GABRB2: variants seen among roughly 807,000 people sequenced by gnomAD.
GABRB2 encodes the protein gamma-aminobutyric acid receptor subunit beta-2.
GABRB2 carries 16 observed loss-of-function variants against 54.7 expected under a neutral mutation model. The ratio of observed to expected loss-of-function variants is 0.29; its 90% CI spans 0.20 to 0.44. The LOEUF is 0.44. Among genes scored for constraint, GABRB2 ranks in the 20% least tolerant of loss-of-function variants. The probability of loss-of-function intolerance (pLI) is 1.00; values close to 1 mark genes in which losing one functional copy is unlikely to be tolerated. For missense variants in GABRB2, 355 were observed against 644.0 expected (o/e 0.55, Z 4.86); for synonymous variants, 244 against 233.8 (o/e 1.04, Z -0.40).
At chr5:161,375,936 T>A (rs1003786424) in intron 5 of GABRB2, among the ~76,000 whole-genome samples, 3 of 152,176 alleles carry the variant, frequency 2.0e-5, no homozygotes, top group Non-Finnish European at 4.4e-5. Flanking sequence ...TTGCTTTAGG[T>A]TCTGTCATTA....
At chr5:161,464,753 T>C (rs558301017) in intron 3 of GABRB2, among the ~76,000 whole-genome samples, 4 of 152,112 alleles carry the variant, frequency 2.6e-5, no homozygotes, top group Non-Finnish European at 5.9e-5. Flanking sequence ...ATATCATTAA[T>C]GGTTTTCAAA....
chr5:161,506,665 T>C (rs771457405), intron 3 of GABRB2, among the ~76,000 whole-genome samples: 1 of 152,118 alleles, frequency 6.6e-6, no homozygotes, highest in Non-Finnish European at 1.5e-5. Context: ...ATAGTTATTA[T>C]GTACCTCTTT....
chr5:161,501,145 A>G (rs1759426654), intron 3 of GABRB2, among the ~76,000 whole-genome samples: 1 of 152,166 alleles, frequency 6.6e-6, no homozygotes, highest in Non-Finnish European at 1.5e-5. Context: ...TGGCCCTGTA[A>G]AAACATTCAT....
chr5:161,541,718 G>T (rs1408896584), intron 3 of GABRB2, among the ~76,000 whole-genome samples: 1 of 152,192 alleles, frequency 6.6e-6, no homozygotes, highest in East Asian at 1.9e-4. Flanking sequence ...ATCTGGCTTT[G>T]TCTCTAAGGG....
intron 4 of GABRB2, among the ~76,000 whole-genome samples, chr5:161,452,036 T>A (rs1314919770): frequency 6.6e-6 from 1 of 152,170 alleles, no homozygotes; most frequent in African/African-American, 2.4e-5. Context: ...AATGACTTGG[T>A]ATAAATAATA....
chr5:161,386,263 A>T, intron 5 of GABRB2, among the ~76,000 whole-genome samples: 1 of 152,118 alleles, frequency 6.6e-6, no homozygotes, highest in East Asian at 1.9e-4. Flanking sequence ...CCTTATTGTG[A>T]TTTAATGGCA....
chr5:161,436,841 A>G (rs1580984928), intron 4 of GABRB2, among the ~76,000 whole-genome samples: 1 of 152,174 alleles, frequency 6.6e-6, no homozygotes, highest in Middle Eastern at 3.4e-3. Flanking sequence ...AAGGGAGAAC[A>G]CAGCAATTTT....
intron 3 of GABRB2, among the ~76,000 whole-genome samples, chr5:161,486,867 A>T (rs1216514595): frequency 6.6e-6 from 1 of 151,944 alleles, no homozygotes; most frequent in Non-Finnish European, 1.5e-5. Flanking sequence ...AATTTTGGAC[A>T]TCATTGAACA....
Position 161,509,824 on chromosome 5 carries a change from T to C in GABRB2, c.237+35403A>G, listed in dbSNP as rs550004572. On this transcript the variant is annotated intron_variant, in intron 3 of 9. Transcript: ENST00000393959. ...TCTTAGGAAAGGCCACTATCATCTC[T>C]GCTTTGCCTCTTGAAATAGTTCCTT... is the stretch of plus-strand genomic sequence containing the variant. Among the ~76,000 whole-genome samples, 21 of 152,086 alleles carry C rather than the reference T, an allele frequency of 1.4e-4. No individual in the cohort carries two copies. In the South Asian group the frequency reaches 4.4e-3, roughly 32 times the overall value.
At position 161,435,075 on chromosome 5, in the gene GABRB2, T is replaced by A. The variant is rs1757271396; in HGVS notation, c.459-24018A>T. ...ATACACATTGACCCAGGAATATGGGTCTAGTTATTATTATAGATTTTTTCT... is the reference window on the plus strand; with the variant it reads ...ATACACATTGACCCAGGAATATGGGACTAGTTATTATTATAGATTTTTTCT... On this transcript the variant is annotated intron_variant, in intron 4 of 9. Coordinates refer to ENST00000393959, the MANE Select transcript of GABRB2 (RefSeq NM_001371727.1). Among the ~76,000 whole-genome samples, 4 of 152,188 alleles carry A rather than the reference T, an allele frequency of 2.6e-5. No homozygotes were observed. In the South Asian group the frequency reaches 8.3e-4, roughly 32 times the overall value.
At chr5:161,331,669 G>A (rs1164880680) in intron 7 of GABRB2, among the ~76,000 whole-genome samples, 1 of 152,072 alleles carries the variant, frequency 6.6e-6, no homozygotes, top group Admixed American at 6.6e-5. Flanking sequence ...ATCATTGTGG[G>A]TACATTGCAA....
rs751879340 is a variant in GABRB2 at position 161,463,615 on chromosome 5, A to C, written c.238-3771T>G. On this transcript the variant is annotated intron_variant, in intron 3 of 9. Transcript: ENST00000393959. ...TATATATATATGAAAGAGAATAGCC[A>C]AAACAGTTTTGAAAGAGAAAAAACA... Among the ~76,000 whole-genome samples the C allele has an allele frequency of 5.7e-4, 52 of 91,044 alleles. 1 individual carries two copies. Among genetic ancestry groups the C allele is most frequent in the Non-Finnish European group, 1.1e-3 (46 of 40,114 alleles). 59.7% of individuals were successfully genotyped at this position (91,044 alleles called of 152,430 possible). A position where few individuals can be genotyped will look rare whatever the true frequency, so the allele number is the denominator to read the frequency against.
At chr5:161,355,323 A>G (rs1754585583) in intron 5 of GABRB2, among the ~76,000 whole-genome samples, 2 of 148,402 alleles carry the variant, frequency 1.3e-5, no homozygotes, top group Admixed American at 1.4e-4. Flanking sequence ...TACATTAAAT[A>G]TATTATATAA....
chr5:161,548,293 G>T (rs1287194442), upstream of GABRB2: 1 of 152,370 alleles, frequency 6.6e-6, no homozygotes, highest in African/African-American at 2.4e-5. Flanking sequence ...CAGGGAAAGA[G>T]AGGAGCCACG....
chr5:161,324,209 AAT>A (rs1162398534), intron 9 of GABRB2, among the ~76,000 whole-genome samples: 4 of 152,156 alleles, frequency 2.6e-5, no homozygotes, highest in Non-Finnish European at 5.9e-5. Flanking sequence ...TTTTATATAA[AAT>A]ATGTCATTAA....
intron 3 of GABRB2, among the ~76,000 whole-genome samples, chr5:161,515,149 C>T (rs1164480678): frequency 6.6e-6 from 1 of 152,074 alleles, no homozygotes; most frequent in Non-Finnish European, 1.5e-5. Context: ...TAAAGTTAAT[C>T]TCTTCTTCGG....
At chr5:161,407,449 A>T (rs1351685798) in intron 5 of GABRB2, among the ~76,000 whole-genome samples, 2 of 152,058 alleles carry the variant, frequency 1.3e-5, no homozygotes, top group African/African-American at 4.8e-5. Flanking sequence ...TTTGATTTGT[A>T]CTAACAGTTC....
At chr5:161,331,623 G>A (rs983235647) in intron 7 of GABRB2, among the ~76,000 whole-genome samples, 3 of 152,062 alleles carry the variant, frequency 2.0e-5, no homozygotes, top group Non-Finnish European at 2.9e-5. Flanking sequence ...TGGATTTGGG[G>A]GAGAGTACAC....
chr5:161,447,546 G>A (rs1051017585), intron 4 of GABRB2, among the ~76,000 whole-genome samples: 3 of 152,140 alleles, frequency 2.0e-5, no homozygotes, highest in Non-Finnish European at 4.4e-5. Flanking sequence ...CTGTCCATAA[G>A]AGTGCAGATA....
Sources: allele counts gnomAD v4.1 joint callset (sites outside exome capture counted in the v4.1 genomes callset), GRCh38; gene constraint gnomAD v4.1.1; transcripts MANE v1.5; gene names NCBI Gene and HGNC (gene_info 2026-07-23, HGNC 2026-07-21).